The following GALNT13 variants were observed in gnomAD, a reference collection of about 807,000 sequenced individuals.
GALNT13 encodes the protein polypeptide N-acetylgalactosaminyltransferase 13.
GALNT13 carries 28 observed loss-of-function variants against 64.2 expected under a neutral mutation model. That is an observed-to-expected ratio of 0.44 (90% CI 0.32 to 0.60). The LOEUF (loss-of-function observed/expected upper bound fraction) is 0.60. Among genes scored for constraint, GALNT13 ranks in the 20% least tolerant of loss-of-function variants. GALNT13 has a pLI of 0.05. For missense variants in GALNT13, 577 were observed against 669.8 expected (o/e 0.86, Z 1.53); for synonymous variants, 214 against 224.6 (o/e 0.95, Z 0.42).
At chr2:153,443,184 C>T in the GALNT13 span, among the ~76,000 whole-genome samples, 7 of 152,188 alleles carry the variant, frequency 4.6e-5, no homozygotes, top group Non-Finnish European at 1.0e-4. Flanking sequence ...AGCATAGGCA[C>T]CCAAGGGGAT....
the GALNT13 span, among the ~76,000 whole-genome samples, chr2:153,197,278 TC>T: frequency 6.6e-6 from 1 of 152,176 alleles, no homozygotes; most frequent in Non-Finnish European, 1.5e-5. Context: ...GGTGGGGTGA[TC>T]CCCTGCTTCC....
chr2:153,478,484 G>A, the GALNT13 span: 1 of 1,612,756 alleles, frequency 6.2e-7, no homozygotes, highest in East Asian at 2.2e-5. Context: ...GTGCAGCAGC[G>A]CACGGCTCGC....
chr2:153,555,049 C>T, the GALNT13 span, among the ~76,000 whole-genome samples: 1 of 152,092 alleles, frequency 6.6e-6, no homozygotes, highest in Non-Finnish European at 1.5e-5. Context: ...AAAAATTTAA[C>T]TCTGTAGTAC....
the GALNT13 span, among the ~76,000 whole-genome samples, chr2:153,475,333 G>A: frequency 1.1e-4 from 17 of 152,198 alleles, no homozygotes; most frequent in African/African-American, 4.1e-4. Flanking sequence ...TTACAAAGCT[G>A]TGTTCACATA....
At chr2:153,720,727 T>C in the GALNT13 span, among the ~76,000 whole-genome samples, 117 of 148,802 alleles carry the variant, frequency 7.9e-4, no homozygotes, top group Non-Finnish European at 1.3e-3. Flanking sequence ...GAAGATGAAA[T>C]GAATGAAATG....
the GALNT13 span, among the ~76,000 whole-genome samples, chr2:153,616,066 G>A: frequency 9.9e-5 from 15 of 152,022 alleles, no homozygotes; most frequent in African/African-American, 3.4e-4. Context: ...CATAGGCTGC[G>A]GTCTTATATT....
the GALNT13 span, among the ~76,000 whole-genome samples, chr2:153,678,985 C>T: frequency 1.3e-5 from 2 of 151,974 alleles, no homozygotes; most frequent in Admixed American, 6.6e-5. Context: ...TTGGATCTCT[C>T]CTTCCTCAGC....
intron 4 of GALNT13, among the ~76,000 whole-genome samples, chr2:154,225,316 G>C (rs1688560807): frequency 6.6e-6 from 1 of 152,016 alleles, no homozygotes; most frequent in Non-Finnish European, 1.5e-5. Flanking sequence ...TCACCTAGCA[G>C]TTTGCTGAAA....
chr2:153,768,341 C>A, the GALNT13 span, among the ~76,000 whole-genome samples: 1 of 152,118 alleles, frequency 6.6e-6, no homozygotes, highest in Non-Finnish European at 1.5e-5. Context: ...TCCAGAATGT[C>A]ACTGTTGATT....
At chr2:153,756,108 C>G in the GALNT13 span, among the ~76,000 whole-genome samples, 2 of 152,044 alleles carry the variant, frequency 1.3e-5, no homozygotes, top group Admixed American at 1.3e-4. Context: ...CACATTATGT[C>G]TTTCTTACCT....
At chr2:154,313,495 G>T (rs1328676158) in intron 9 of GALNT13, among the ~76,000 whole-genome samples, 2 of 150,958 alleles carry the variant, frequency 1.3e-5, no homozygotes, top group African/African-American at 4.9e-5. Flanking sequence ...TCACTCTGAC[G>T]CCAGGCTGGA....
chr2:154,229,317 A>G (rs535926417), intron 4 of GALNT13, among the ~76,000 whole-genome samples: 2 of 151,950 alleles, frequency 1.3e-5, no homozygotes, highest in Non-Finnish European at 2.9e-5. Context: ...TATGTTTAGT[A>G]TATACTAATT....
the GALNT13 span, among the ~76,000 whole-genome samples, chr2:153,404,807 T>G: frequency 6.6e-6 from 1 of 152,212 alleles, no homozygotes; most frequent in African/African-American, 2.4e-5. Flanking sequence ...GGCTAAATGC[T>G]AGGGTATTCA....
At chr2:154,290,761 T>C (rs1369950221) in intron 8 of GALNT13, among the ~76,000 whole-genome samples, 1 of 152,118 alleles carries the variant, frequency 6.6e-6, no homozygotes, top group Non-Finnish European at 1.5e-5. Flanking sequence ...AAAGATGGTG[T>C]GTCTGGAGTT....
chr2:153,109,095 G>A, the GALNT13 span, among the ~76,000 whole-genome samples: 1 of 152,106 alleles, frequency 6.6e-6, no homozygotes, highest in Non-Finnish European at 1.5e-5. Flanking sequence ...ACTTGCTGTA[G>A]AACTACTTCT....
the GALNT13 span, among the ~76,000 whole-genome samples, chr2:153,614,735 T>G: frequency 1.3e-5 from 2 of 152,136 alleles, no homozygotes; most frequent in Non-Finnish European, 2.9e-5. Context: ...TATAATTTAT[T>G]TTTCATTTTT....
chr2:154,306,947 C>A (rs1378584860), intron 9 of GALNT13, among the ~76,000 whole-genome samples: 1 of 151,424 alleles, frequency 6.6e-6, no homozygotes, highest in East Asian at 1.9e-4. Flanking sequence ...CAAAGGCAGA[C>A]TAGTCCCTAG....
the GALNT13 span, among the ~76,000 whole-genome samples, chr2:153,259,845 T>C: frequency 4.6e-5 from 7 of 152,218 alleles, no homozygotes; most frequent in African/African-American, 1.4e-4. Context: ...GTTATTTTTT[T>C]AAATTATTTT....
At chr2:153,589,141 A>G in the GALNT13 span, among the ~76,000 whole-genome samples, 25 of 152,100 alleles carry the variant, frequency 1.6e-4, no homozygotes, top group African/African-American at 2.4e-4. Flanking sequence ...GTCTCAAAAA[A>G]AAAAGAAAAG....
Sources: gnomAD v4.1 joint callset for allele counts (sites outside exome capture counted in the v4.1 genomes callset) on GRCh38, gnomAD v4.1.1 for gene constraint, MANE v1.5 for transcripts, NCBI Gene and HGNC (gene_info 2026-07-23, HGNC 2026-07-21) for gene names.